Variants in PDE10A observed in about 807,000 individuals in gnomAD.
PDE10A encodes the protein phosphodiesterase 10A.
A neutral mutation model predicts 97.7 loss-of-function variants in PDE10A; 39 were observed. The observed-to-expected ratio is 0.40, with a 90% confidence interval of 0.31 to 0.52. The LOEUF (loss-of-function observed/expected upper bound fraction) is 0.52. Among genes scored for constraint, PDE10A ranks in the 20% least tolerant of loss-of-function variants. The pLI, the probability that PDE10A is intolerant of heterozygous loss-of-function variation, is 0.56. For missense variants in PDE10A, 731 were observed against 1,047.8 expected, an observed-to-expected ratio of 0.70 and a Z score of 4.17; for synonymous variants, 371 against 376.8, an observed-to-expected ratio of 0.98 and a Z score of 0.18.
In PDE10A at chr6:165,663,014, C is replaced by G. The variant is rs1043247394; in HGVS notation, c.-203G>C. ...GCTTGGGTTGCGGGAGGACCCGGGCCTGGGGGCCAGGCCCCGGCGACGGCG... is the reference window on the plus strand; with the variant it reads ...GCTTGGGTTGCGGGAGGACCCGGGCGTGGGGGCCAGGCCCCGGCGACGGCG... On this transcript the variant is annotated 5_prime_UTR_variant, in exon 1 of 22. Transcript: ENST00000539869. Among the ~76,000 whole-genome samples, 6 of 151,434 alleles carry G rather than the reference C, an allele frequency of 4.0e-5. No individual in the cohort carries two copies. Among genetic ancestry groups the G allele is most frequent in the Admixed American group, 1.3e-4 (2 of 15,226 alleles).
At chr6:165,639,110 C>T (rs866483771) in intron 1 of PDE10A, among the ~76,000 whole-genome samples, 6 of 131,850 alleles carry the variant, frequency 4.6e-5, no homozygotes, top group East Asian at 3.4e-4. Flanking sequence ...AGCAGGCAGG[C>T]GGCAGGAAGG....
chr6:165,413,783 T>A (rs1310828170), intron 12 of PDE10A, 96 bp from the exon 13 acceptor site: 2 of 927,028 alleles, frequency 2.2e-6, no homozygotes, highest in Non-Finnish European at 3.3e-6. Flanking sequence ...ATCTTTGCAA[T>A]TTACATATGC....
rs530962891 is a variant in PDE10A, at chr6:165,334,353, G to A, written c.3066-1226C>T. ...CGCCTCCATAGCGCCCTACAGCGCC[G>A]GGCACGCGCCTCCATAGCGCCCTAC... On this transcript the variant is annotated intron_variant, in intron 21 of 21. Transcript: ENST00000539869. Among the ~76,000 whole-genome samples, 14 of 148,784 alleles carry A rather than the reference G, an allele frequency of 9.4e-5. 1 individual carries two copies. Among genetic ancestry groups the A allele is most frequent in the East Asian group, 6.0e-4 (3 of 5,002 alleles).
At chr6:165,843,138 A>C (rs1395790821) in intron 1 of PDE10A, among the ~76,000 whole-genome samples, 1 of 152,242 alleles carries the variant, frequency 6.6e-6, no homozygotes, top group East Asian at 1.9e-4. Flanking sequence ...ACTTTGAGCA[A>C]GGGTGAGAAG....
chr6:165,772,168 A>G (rs1203424529), intron 1 of PDE10A, among the ~76,000 whole-genome samples: 1 of 152,260 alleles, frequency 6.6e-6, no homozygotes, highest in African/African-American at 2.4e-5. Context: ...CGGCAAGTAC[A>G]AAGAATAAAG....
intron 1 of PDE10A, among the ~76,000 whole-genome samples, chr6:165,554,189 C>A (rs1022847725): frequency 1.3e-5 from 2 of 152,018 alleles, no homozygotes; most frequent in Non-Finnish European, 2.9e-5. Context: ...AAAGCTTCTG[C>A]CCAGTCAAGG....
intron 1 of PDE10A, among the ~76,000 whole-genome samples, chr6:165,591,300 T>C (rs1408484090): frequency 6.6e-6 from 1 of 152,212 alleles, no homozygotes; most frequent in East Asian, 1.9e-4. Flanking sequence ...GAATTTTCTC[T>C]GACAAGTATT....
At chr6:165,855,240 G>A (rs1240995668) in intron 1 of PDE10A, among the ~76,000 whole-genome samples, 1 of 150,690 alleles carries the variant, frequency 6.6e-6, no homozygotes, top group Non-Finnish European at 1.5e-5. Context: ...AGAGGCGGAT[G>A]GGTGGAGCAG....
At chr6:165,406,074 A>C (rs1054500836) in intron 13 of PDE10A, among the ~76,000 whole-genome samples, 1 of 152,320 alleles carries the variant, frequency 6.6e-6, no homozygotes, top group Middle Eastern at 3.4e-3. Flanking sequence ...GAAGAAAAAA[A>C]AAGACTGAAC....
At chr6:165,958,301 A>AATGGGAAAG (rs1784202861) in intron 1 of PDE10A, among the ~76,000 whole-genome samples, 1 of 151,990 alleles carries the variant, frequency 6.6e-6, no homozygotes, top group South Asian at 2.1e-4. Context: ...AAATGACCCG[A>AATGGGAAAG]ATGGGAAAGA....
intron 1 of PDE10A, among the ~76,000 whole-genome samples, chr6:165,794,377 T>A (rs1778763878): frequency 6.9e-6 from 1 of 144,410 alleles, no homozygotes; most frequent in African/African-American, 2.6e-5. Context: ...ACTCATACAA[T>A]CCCCCACACT....
At chr6:165,572,440 T>C (rs1400764150) in intron 1 of PDE10A, among the ~76,000 whole-genome samples, 1 of 152,184 alleles carries the variant, frequency 6.6e-6, no homozygotes, top group South Asian at 2.1e-4. Context: ...ATAAAAAAAT[T>C]AGTTTATACC....
At chr6:165,648,763 G>A (rs762098555) in intron 1 of PDE10A, among the ~76,000 whole-genome samples, 1 of 152,204 alleles carries the variant, frequency 6.6e-6, no homozygotes, top group South Asian at 2.1e-4. Flanking sequence ...AATACAGAGT[G>A]CCAAAACTCT....
intron 15 of PDE10A, among the ~76,000 whole-genome samples, chr6:165,394,013 T>C (rs220793): frequency 0.74 from 112,958 of 151,952 alleles, 43,124 homozygotes; most frequent in African/African-American, 0.89. Context: ...AGATATATGA[T>C]GTTAGGTTGA....
rs954926440 is a variant in PDE10A, at chr6:165,331,478, T to C, written c.*1547A>G. 5 of 152,198 alleles carry C rather than the reference T, an allele frequency of 3.3e-5. No homozygotes were observed. The highest frequency in any genetic ancestry group is 1.2e-4 in the African/African-American group (5 of 41,466). The allele number at this position is 152,198 out of a possible 1,614,324, so 9.4% of individuals were successfully genotyped here. On this transcript the variant is annotated 3_prime_UTR_variant, in exon 22 of 22. Transcript: ENST00000539869. ...TGATTTAATTTTGCACAAACCAGGC[T>C]CATATGAACAAAACGCCTATGGTGG...
At chr6:165,531,322 T>C (rs1782765545) in intron 2 of PDE10A, among the ~76,000 whole-genome samples, 1 of 151,542 alleles carries the variant, frequency 6.6e-6, no homozygotes, top group Non-Finnish European at 1.5e-5. Context: ...GTTACGCACA[T>C]ACTAGATATT....
At chr6:165,444,922 T>C (rs1175161460) in intron 5 of PDE10A, among the ~76,000 whole-genome samples, 1 of 152,172 alleles carries the variant, frequency 6.6e-6, no homozygotes, top group Admixed American at 6.5e-5. Context: ...TTAGTATTTG[T>C]TGATAGGGAC....
chr6:165,420,029 A>G (rs1788584820), intron 10 of PDE10A, among the ~76,000 whole-genome samples: 1 of 152,150 alleles, frequency 6.6e-6, no homozygotes, highest in Non-Finnish European at 1.5e-5. Context: ...CTACGCAGGG[A>G]CTGAGTATAC....
intron 3 of PDE10A, among the ~76,000 whole-genome samples, chr6:165,463,175 G>C (rs1252655374): frequency 6.6e-6 from 1 of 152,168 alleles, no homozygotes; most frequent in Admixed American, 6.5e-5. Context: ...CAGTCAGACG[G>C]TAGAAATGGC....
Sources: gnomAD v4.1 joint callset for allele counts (sites outside exome capture counted in the v4.1 genomes callset) on GRCh38, gnomAD v4.1.1 for gene constraint, MANE v1.5 for transcripts, NCBI Gene and HGNC (gene_info 2026-07-23, HGNC 2026-07-21) for gene names.